Variants in EDIL3 observed in about 807,000 individuals in gnomAD.
The protein encoded by EDIL3 is EGF like and discoidin domains 3, also known as EGF-like repeat and discoidin I-like domain-containing protein 3.
Under a neutral mutation model 67.4 loss-of-function variants are expected in EDIL3, and 37 were observed. The ratio of observed to expected loss-of-function variants is 0.55; its 90% CI spans 0.42 to 0.72. The LOEUF (loss-of-function observed/expected upper bound fraction) is 0.72, where lower values mean the gene tolerates loss of function less well. Ranked by LOEUF, EDIL3 falls within the 30% of genes least tolerant of loss-of-function variation. EDIL3 has a pLI of 0.00. For missense variants in EDIL3, 527 were observed against 586.3 expected (o/e 0.90, Z 1.04); for synonymous variants, 195 against 196.3 (o/e 0.99, Z 0.05).
At chr5:84,292,282 CTGA>C (rs1745939212) in intron 1 of EDIL3, among the ~76,000 whole-genome samples, 1 of 152,092 alleles carries the variant, frequency 6.6e-6, no homozygotes, top group Admixed American at 6.6e-5. Flanking sequence ...ATCAATAACA[CTGA>C]TGATTTTTTT....
chr5:84,253,189 T>C (rs1200151134), intron 2 of EDIL3, among the ~76,000 whole-genome samples: 1 of 152,216 alleles, frequency 6.6e-6, no homozygotes, highest in Non-Finnish European at 1.5e-5. Context: ...ATTACTTTTC[T>C]TTTTCAAAAC....
chr5:84,127,321 T>G (rs981184503), intron 5 of EDIL3, among the ~76,000 whole-genome samples: 35 of 152,124 alleles, frequency 2.3e-4, no homozygotes, highest in African/African-American at 8.2e-4. Flanking sequence ...ATTTTTAAGT[T>G]GGATACTTTA....
chr5:84,165,566 G>A (rs1369384026), intron 4 of EDIL3, among the ~76,000 whole-genome samples: 1 of 152,070 alleles, frequency 6.6e-6, no homozygotes, highest in Non-Finnish European at 1.5e-5. Flanking sequence ...ACACAACTGG[G>A]AAATAGTAGC....
At chr5:84,013,924 T>C (rs529684290) in intron 9 of EDIL3, among the ~76,000 whole-genome samples, 153 of 152,264 alleles carry the variant, frequency 1.0e-3, no homozygotes, top group African/African-American at 3.4e-3. Context: ...GATTGAATTG[T>C]AGATAAATTG....
intron 9 of EDIL3, among the ~76,000 whole-genome samples, chr5:84,011,697 T>C (rs2112181007): frequency 6.6e-6 from 1 of 152,194 alleles, no homozygotes; most frequent in East Asian, 1.9e-4. Flanking sequence ...ACAGTGGTCT[T>C]CTTTTTCTCT....
intron 9 of EDIL3, among the ~76,000 whole-genome samples, chr5:84,022,434 T>C (rs770074295): frequency 2.0e-5 from 3 of 151,978 alleles, no homozygotes; most frequent in Non-Finnish European, 4.4e-5. Context: ...GTAAAGGTCA[T>C]ATATGATTAA....
At chr5:84,147,719 C>T (rs1465567822) in intron 4 of EDIL3, among the ~76,000 whole-genome samples, 2 of 150,708 alleles carry the variant, frequency 1.3e-5, no homozygotes, top group African/African-American at 2.4e-5. Context: ...TCTTCAATGA[C>T]CTTAACTTAA....
chr5:84,055,759 G>C (rs988805848), intron 9 of EDIL3, among the ~76,000 whole-genome samples: 1 of 152,158 alleles, frequency 6.6e-6, no homozygotes, highest in Non-Finnish European at 1.5e-5. Context: ...ACCACAATGA[G>C]ATACCATCTC....
chr5:84,128,348 C>T (rs773687318), intron 5 of EDIL3, among the ~76,000 whole-genome samples: 2 of 152,032 alleles, frequency 1.3e-5, no homozygotes, highest in Non-Finnish European at 2.9e-5. Context: ...GTGATAAAAG[C>T]GGAAATCCCG....
intron 9 of EDIL3, among the ~76,000 whole-genome samples, chr5:84,011,754 C>G (rs1745520394): frequency 6.6e-6 from 1 of 152,090 alleles, no homozygotes; most frequent in Admixed American, 6.6e-5. Flanking sequence ...TTTTGCCTTT[C>G]TCCCCAAAAC....
chr5:84,233,644 G>GTTCCCTT (rs1744625162), intron 2 of EDIL3, among the ~76,000 whole-genome samples: 1 of 152,140 alleles, frequency 6.6e-6, no homozygotes, highest in African/African-American at 2.4e-5. Flanking sequence ...CTTGGCCACA[G>GTTCCCTT]TTATTGGCCT....
At chr5:84,174,673 T>A (rs1048384131) in intron 4 of EDIL3, among the ~76,000 whole-genome samples, 1 of 152,124 alleles carries the variant, frequency 6.6e-6, no homozygotes, top group Non-Finnish European at 1.5e-5. Context: ...CTTCACTGAC[T>A]GGGCGCAGAC....
intron 5 of EDIL3, among the ~76,000 whole-genome samples, chr5:84,114,462 C>A (rs769325739): frequency 6.6e-6 from 1 of 152,132 alleles, no homozygotes; most frequent in Non-Finnish European, 1.5e-5. Flanking sequence ...CAGAGCACCC[C>A]CTGGGTGTCA....
At chr5:84,290,555 C>A (rs1385770731) in intron 1 of EDIL3, among the ~76,000 whole-genome samples, 1 of 152,160 alleles carries the variant, frequency 6.6e-6, no homozygotes, top group Non-Finnish European at 1.5e-5. Context: ...GACCTTCTTT[C>A]TCCTCCCTGT....
intron 1 of EDIL3, 140 bp from the exon 2 acceptor site, chr5:84,254,352 A>G (rs1287282170): frequency 2.8e-5 from 28 of 989,068 alleles, no homozygotes; most frequent in Non-Finnish European, 3.8e-5. Flanking sequence ...AAGATCTGCA[A>G]GACTCATTTC....
intron 1 of EDIL3, among the ~76,000 whole-genome samples, chr5:84,370,192 T>C (rs1319986129): frequency 6.6e-6 from 1 of 152,192 alleles, no homozygotes; most frequent in Non-Finnish European, 1.5e-5. Context: ...TTCAGAACTA[T>C]TGAGGCATTT....
chr5:84,218,149 T>TC (rs77952941), intron 3 of EDIL3, among the ~76,000 whole-genome samples: 14 of 151,878 alleles, frequency 9.2e-5, no homozygotes, highest in African/African-American at 2.2e-4. Context: ...TCACTTTTTT[T>TC]CCCCCAAGCT....
intron 1 of EDIL3, among the ~76,000 whole-genome samples, chr5:84,378,233 C>T (rs1214256176): frequency 1.3e-5 from 2 of 152,226 alleles, no homozygotes; most frequent in South Asian, 4.1e-4. Context: ...TTGACCAAGT[C>T]TTTTTTTAAA....
At chr5:84,240,992 A>C (rs1020082362) in intron 2 of EDIL3, among the ~76,000 whole-genome samples, 1 of 152,236 alleles carries the variant, frequency 6.6e-6, no homozygotes, top group Non-Finnish European at 1.5e-5. Context: ...TAATGTCTAC[A>C]GATTAAATAA....
Sources: allele counts gnomAD v4.1 joint callset (sites outside exome capture counted in the v4.1 genomes callset), GRCh38; gene constraint gnomAD v4.1.1; transcripts MANE v1.5; gene names NCBI Gene and HGNC (gene_info 2026-07-23, HGNC 2026-07-21).